BICD1: variants seen among roughly 807,000 people sequenced by gnomAD.
BICD1 encodes the protein BICD cargo adaptor 1.
In BICD1, 35 loss-of-function variants were observed where a neutral mutation model predicts 92.5. That is an observed-to-expected ratio of 0.38 (90% CI 0.29 to 0.50). The LOEUF is 0.50. BICD1 is among the 20% of genes least tolerant of loss of function. The pLI, the probability that BICD1 is intolerant of heterozygous loss-of-function variation, is 0.93. For synonymous variants in BICD1, 429 were observed against 465.1 expected (o/e 0.92, Z 1.00); for missense variants, 950 against 1,189.8 (o/e 0.80, Z 2.97).
chr12:32,276,228 C>G (rs1195491746), intron 2 of BICD1, among the ~76,000 whole-genome samples: 2 of 152,122 alleles, frequency 1.3e-5, no homozygotes, highest in Non-Finnish European at 2.9e-5. Flanking sequence ...ATGGAAGGCA[C>G]CCTTCCGGAG....
intron 1 of BICD1, among the ~76,000 whole-genome samples, chr12:32,186,720 A>G (rs1295497323): frequency 6.6e-6 from 1 of 152,188 alleles, no homozygotes. Flanking sequence ...ATAAAATACC[A>G]TATTCATTTC....
chr12:32,136,412 C>T lies in BICD1; in HGVS notation c.213+28868C>T, dbSNP rs79152774. Among the ~76,000 whole-genome samples the T allele has an allele frequency of 2.1e-3, 327 of 152,300 alleles. 6 individuals carry two copies. Among genetic ancestry groups the T allele is most frequent in the Admixed American group, 0.014 (220 of 15,300 alleles). On this transcript the variant is annotated intron_variant, in intron 1 of 9. Coordinates refer to ENST00000652176, the MANE Select transcript of BICD1 (RefSeq NM_001714.4). ...GGGCTGGGGCACTTTCCTCTAACAT[C>T]ACCCAAACCCAGAAAACGAGGATCG...
chr12:32,160,225 CT>C (rs1159749904), intron 1 of BICD1, among the ~76,000 whole-genome samples: 1 of 152,194 alleles, frequency 6.6e-6, no homozygotes, highest in African/African-American at 2.4e-5. Context: ...CCAAGCCCAC[CT>C]TTGCCAGGCA....
chr12:32,108,664 A>G (rs1941582789), intron 1 of BICD1: 2 of 699,208 alleles, frequency 2.9e-6, no homozygotes, highest in Non-Finnish European at 5.2e-6. Context: ...GTGATTTATG[A>G]CATACTGAAT....
chr12:32,213,506 C>T (rs1001622301), intron 1 of BICD1, among the ~76,000 whole-genome samples: 2 of 152,194 alleles, frequency 1.3e-5, no homozygotes, highest in South Asian at 2.1e-4. Flanking sequence ...AGTGATTCTC[C>T]TGCCTCAGCC....
chr12:32,153,134 G>A (rs897934392), intron 1 of BICD1, among the ~76,000 whole-genome samples: 1 of 152,088 alleles, frequency 6.6e-6, no homozygotes, highest in Non-Finnish European at 1.5e-5. Flanking sequence ...AGTACCTGAT[G>A]TGTAGCTCTC....
chr12:32,189,786 C>T (rs985983487), intron 1 of BICD1, among the ~76,000 whole-genome samples: 1 of 151,166 alleles, frequency 6.6e-6, no homozygotes, highest in Non-Finnish European at 1.5e-5. Context: ...GCAACCTCTG[C>T]CTCCCGGGTT....
intron 1 of BICD1, among the ~76,000 whole-genome samples, chr12:32,150,729 CA>C (rs1565549302): frequency 2.6e-5 from 4 of 152,030 alleles, no homozygotes; most frequent in African/African-American, 9.7e-5. Flanking sequence ...CAACCTGACA[CA>C]GGGGCCTTGG....
At chr12:32,279,464 A>T (rs114324033) in intron 2 of BICD1, among the ~76,000 whole-genome samples, 4,972 of 152,348 alleles carry the variant, frequency 0.033, 276 homozygotes, top group African/African-American at 0.11. Context: ...CCCAATTAAA[A>T]TGCAATGTCA....
intron 2 of BICD1, among the ~76,000 whole-genome samples, chr12:32,282,831 G>T (rs908780969): frequency 6.6e-6 from 1 of 152,174 alleles, no homozygotes; most frequent in South Asian, 2.1e-4. Flanking sequence ...AGATACAGAG[G>T]TGGCCACCGA....
chr12:32,339,005 G>A (rs974558274), intron 8 of BICD1, 26 bp downstream of exon 8: 3 of 1,574,044 alleles, frequency 1.9e-6, no homozygotes, highest in Non-Finnish European at 2.6e-6. Context: ...TTGGGTGCAT[G>A]TGATGCAAAT....
intron 2 of BICD1, among the ~76,000 whole-genome samples, chr12:32,288,144 A>T (rs1947623912): frequency 6.6e-6 from 1 of 151,982 alleles, no homozygotes; most frequent in South Asian, 2.1e-4. Context: ...TTGAGAGGGA[A>T]TTCCATGGGT....
intron 8 of BICD1, among the ~76,000 whole-genome samples, chr12:32,364,340 T>C (rs142029331): frequency 7.2e-5 from 11 of 152,298 alleles, no homozygotes; most frequent in Non-Finnish European, 1.3e-4. Context: ...GAATAGATCC[T>C]AGACGGAGCA....
chr12:32,195,669 A>G (rs889975008), intron 1 of BICD1, among the ~76,000 whole-genome samples: 3 of 152,246 alleles, frequency 2.0e-5, no homozygotes, highest in African/African-American at 7.2e-5. Context: ...TTGAAATCGT[A>G]AAAGTCTTGG....
intron 1 of BICD1, among the ~76,000 whole-genome samples, chr12:32,166,433 G>A (rs1172346122): frequency 6.6e-6 from 1 of 152,060 alleles, no homozygotes; most frequent in African/African-American, 2.4e-5. Flanking sequence ...ACCGCGCCAG[G>A]CTATCTGGAG....
chr12:32,359,068 C>T (rs981775247), intron 8 of BICD1, among the ~76,000 whole-genome samples: 1 of 152,178 alleles, frequency 6.6e-6, no homozygotes, highest in Non-Finnish European at 1.5e-5. Flanking sequence ...AAGAGGATGT[C>T]TCTGTGCTTT....
chr12:32,233,472 G>A (rs1239934413), intron 2 of BICD1, among the ~76,000 whole-genome samples: 2 of 151,942 alleles, frequency 1.3e-5, no homozygotes, highest in Non-Finnish European at 2.9e-5. Context: ...GGTGTACTTA[G>A]CATATATATA....
At chr12:32,350,254 G>A (rs1565689982) in intron 8 of BICD1, among the ~76,000 whole-genome samples, 1 of 152,090 alleles carries the variant, frequency 6.6e-6, no homozygotes, top group Non-Finnish European at 1.5e-5. Flanking sequence ...AGGCCGAGGT[G>A]GGTGGATCAC....
intron 1 of BICD1, among the ~76,000 whole-genome samples, chr12:32,145,655 G>C (rs184931697): frequency 1.9e-4 from 29 of 152,306 alleles, no homozygotes; most frequent in African/African-American, 6.5e-4. Flanking sequence ...GGACCAAGTT[G>C]ATAGAATTTG....
Sources: gnomAD v4.1 joint callset for allele counts (sites outside exome capture counted in the v4.1 genomes callset) on GRCh38, gnomAD v4.1.1 for gene constraint, MANE v1.5 for transcripts, NCBI Gene and HGNC (gene_info 2026-07-23, HGNC 2026-07-21) for gene names.